Variants in TMC1 observed in about 807,000 individuals in gnomAD.
The protein encoded by TMC1 is transmembrane channel like 1.
A neutral mutation model predicts 105.8 loss-of-function variants in TMC1; 84 were observed. The observed-to-expected ratio is 0.79, with a 90% confidence interval of 0.67 to 0.95. The LOEUF is 0.95. TMC1 is among the 40% of genes least tolerant of loss of function. The probability of loss-of-function intolerance (pLI) is 0.00; values close to 1 mark genes in which losing one functional copy is unlikely to be tolerated. For missense variants in TMC1, 817 were observed against 914.1 expected (o/e 0.89, Z 1.37); for synonymous variants, 315 against 311.5 (o/e 1.01, Z -0.12).
chr9:72,534,984 A>G (rs1823554587), intron 1 of TMC1, among the ~76,000 whole-genome samples: 1 of 152,130 alleles, frequency 6.6e-6, no homozygotes, highest in South Asian at 2.1e-4. Flanking sequence ...TCTATTATCT[A>G]AGTTGATGCT....
intron 12 of TMC1, among the ~76,000 whole-genome samples, chr9:72,757,102 G>T (rs1827686814): frequency 1.3e-5 from 2 of 152,262 alleles, no homozygotes; most frequent in Non-Finnish European, 2.9e-5. Context: ...GGCAATGAGA[G>T]AAATTTTAAA....
intron 2 of TMC1, among the ~76,000 whole-genome samples, chr9:72,614,237 G>C (rs1398389778): frequency 6.6e-6 from 1 of 152,130 alleles, no homozygotes; most frequent in African/African-American, 2.4e-5. Flanking sequence ...GTCAGTGTTT[G>C]GATGATGTCA....
rs7860172 is a variant in TMC1 at position 72,805,315 on chromosome 9, T to A, written c.1567-67T>A. 174,523 of 1,577,114 alleles carry A rather than the reference T, an allele frequency of 0.11. 10,876 individuals carry two copies. The highest frequency in any genetic ancestry group is 0.13 in the Non-Finnish European group (149,088 of 1,149,470). On this transcript the variant is annotated intron_variant, in intron 17 of 23. Coordinates refer to ENST00000297784, the MANE Select transcript of TMC1 (RefSeq NM_138691.3). ...ATACTTCTTTAGAAATATGACAGATTTAATACCAACACTAGGACCATTTGA... is the reference window on the plus strand; with the variant it reads ...ATACTTCTTTAGAAATATGACAGATATAATACCAACACTAGGACCATTTGA...
rs1221930559 is a variant in TMC1 at position 72,627,820 on chromosome 9, T to C, written c.-195-101T>C. 3 of 346,888 alleles carry C rather than the reference T, an allele frequency of 8.6e-6. No individual in the cohort carries two copies. The Admixed American group carries it at 1.1e-4, about 13-fold the overall frequency. The allele number at this position is 346,888 out of a possible 1,614,324, so 21.5% of individuals were successfully genotyped here. ...TTACCTTGTAAATACCATCATAGAA[T>C]ATATTGTATTTAAAAAACATTCTTT... On this transcript the variant is annotated intron_variant, in intron 3 of 23. Coordinates refer to ENST00000297784, the MANE Select transcript of TMC1 (RefSeq NM_138691.3).
intron 11 of TMC1, among the ~76,000 whole-genome samples, chr9:72,752,687 A>G (rs1169800306): frequency 6.6e-6 from 1 of 152,174 alleles, no homozygotes; most frequent in Non-Finnish European, 1.5e-5. Context: ...CAGAAGTTGG[A>G]TTAGGTTTTA....
chr9:72,749,212 T>C (rs1827539454), intron 10 of TMC1, among the ~76,000 whole-genome samples: 2 of 152,086 alleles, frequency 1.3e-5, no homozygotes, highest in Admixed American at 1.3e-4. Context: ...GGATGGGCCG[T>C]GGCAATAATT....
chr9:72,788,543 T>A, intron 14 of TMC1, 60 bp downstream of exon 14: 1 of 1,555,902 alleles, frequency 6.4e-7, no homozygotes, highest in Admixed American at 1.7e-5. Flanking sequence ...ATTGGAGGCA[T>A]TCCATCTGGT....
intron 13 of TMC1, among the ~76,000 whole-genome samples, chr9:72,787,323 A>T (rs1423531183): frequency 6.6e-6 from 1 of 152,198 alleles, no homozygotes; most frequent in Non-Finnish European, 1.5e-5. Context: ...TTTTCCTTAC[A>T]TGCTAGCCTA....
intron 1 of TMC1, among the ~76,000 whole-genome samples, chr9:72,532,470 G>C (rs548409355): frequency 1.3e-5 from 2 of 148,684 alleles, no homozygotes; most frequent in Non-Finnish European, 3.0e-5. Context: ...GAATCTGGGA[G>C]GCAGAGGTTG....
chr9:72,806,354 C>G (rs556050693), intron 18 of TMC1, among the ~76,000 whole-genome samples: 1 of 142,272 alleles, frequency 7.0e-6, no homozygotes, highest in African/African-American at 2.7e-5. Flanking sequence ...GGGGGGCTGA[C>G]CCCCCCACCT....
At chr9:72,745,321 T>C (rs941333104) in intron 10 of TMC1, among the ~76,000 whole-genome samples, 1 of 152,188 alleles carries the variant, frequency 6.6e-6, no homozygotes, top group African/African-American at 2.4e-5. Context: ...AAAATCTGTC[T>C]GGGTTCAAAA....
intron 13 of TMC1, among the ~76,000 whole-genome samples, chr9:72,783,610 A>G (rs945736423): frequency 2.0e-5 from 3 of 152,184 alleles, no homozygotes; most frequent in Non-Finnish European, 4.4e-5. Flanking sequence ...CAACACCTTC[A>G]CAGACACACC....
In TMC1 at chr9:72,743,368, C is replaced by CA. The variant is rs57505302; in HGVS notation, c.535+856dup. 3.6e-3 allele frequency among the ~76,000 whole-genome samples: 395 copies of CA among 110,182 alleles called. 2 individuals are homozygous for CA. The highest frequency in any genetic ancestry group is 0.018 in the South Asian group (58 of 3,180). The allele number at this position is 110,182 out of a possible 152,430, so 72.3% of individuals were successfully genotyped here. A position where few individuals can be genotyped will look rare whatever the true frequency, so the allele number is the denominator to read the frequency against. On this transcript the variant is annotated intron_variant, in intron 10 of 23. Coordinates refer to ENST00000297784, the MANE Select transcript of TMC1 (RefSeq NM_138691.3). ...GGCGACAGAGCGAGACTCCGTCTCACAAAAAAAAAAAAATAAAAAAAATAA... is the reference window on the plus strand; with the variant it reads ...GGCGACAGAGCGAGACTCCGTCTCACAAAAAAAAAAAAAATAAAAAAAATAA...
intron 8 of TMC1, among the ~76,000 whole-genome samples, chr9:72,712,126 A>G (rs554940466): frequency 3.3e-5 from 5 of 152,266 alleles, no homozygotes; most frequent in African/African-American, 1.2e-4. Context: ...CCATTGGCCT[A>G]TATATCTGTT....
intron 1 of TMC1, among the ~76,000 whole-genome samples, chr9:72,560,816 T>C (rs1824032904): frequency 1.0e-5 from 1 of 97,012 alleles, no homozygotes; most frequent in Non-Finnish European, 1.9e-5. Context: ...TAATCAGGTT[T>C]TGCAAGTTTC....
At chr9:72,764,871 C>A (rs899434387) in intron 12 of TMC1, among the ~76,000 whole-genome samples, 1 of 152,152 alleles carries the variant, frequency 6.6e-6, no homozygotes, top group African/African-American at 2.4e-5. Context: ...TGCAAACAAA[C>A]AATTGCCATG....
chr9:72,835,965 C>T lies in TMC1; in HGVS notation c.2275C>T (p.Arg759Cys), dbSNP rs142073640. Residue 759 changes from arginine to cysteine, a missense_variant, in exon 24 of 24, where the codon CGC (arginine) becomes TGC (cysteine). Physicochemically the swap from Arg to Cys is radical, Grantham distance 180. Transcript: ENST00000297784. ...TTTGTGAACAGCTGCAGCTGCTGGTCGCCAGTAATAAGTATCCTGAGAGCC... is the reference window on the plus strand; with the variant it reads ...TTTGTGAACAGCTGCAGCTGCTGGTTGCCAGTAATAAGTATCCTGAGAGCC... The part of the protein sequence containing the change: ...AAARAAAAAG[R>C]Q 12 of 1,519,070 alleles carry T rather than the reference C, an allele frequency of 7.9e-6. No individual in the cohort carries two copies. The East Asian group carries it at 1.4e-4, about 18-fold the overall frequency. The allele number at this position is 1,519,070 out of a possible 1,614,324, so 94.1% of individuals were successfully genotyped here.
chr9:72,625,702 GA>G lies in TMC1; in HGVS notation c.-195-2208del, dbSNP rs1160091167. 7.8e-3 allele frequency among the ~76,000 whole-genome samples: 1,043 copies of G among 133,906 alleles called. 16 individuals are homozygous for G. Among genetic ancestry groups the G allele is most frequent in the South Asian group, 0.066 (282 of 4,248 alleles). The allele number at this position is 133,906 out of a possible 152,430, so 87.8% of individuals were successfully genotyped here. On this transcript the variant is annotated intron_variant, in intron 3 of 23. Transcript: ENST00000297784. ...GACTCTGTCTCAAAAAAAAAAAAAA[GA>G]AAAAAAAAAAGGAATCAGGGGTTTG...
At chr9:72,703,669 C>A (rs759140945) in intron 8 of TMC1, among the ~76,000 whole-genome samples, 3 of 152,224 alleles carry the variant, frequency 2.0e-5, no homozygotes, top group South Asian at 2.1e-4. Flanking sequence ...AGCTGGGGAA[C>A]AAGCTAGGCA....
Sources: allele counts gnomAD v4.1 joint callset (sites outside exome capture counted in the v4.1 genomes callset), GRCh38; gene constraint gnomAD v4.1.1; transcripts MANE v1.5; gene names NCBI Gene and HGNC (gene_info 2026-07-23, HGNC 2026-07-21).